The following MNAT1 variants were observed in gnomAD, a reference collection of about 807,000 sequenced individuals.
MNAT1 encodes the protein MNAT1 component of CDK activating kinase.
In MNAT1, 43 loss-of-function variants were observed where a neutral mutation model predicts 42.0. That is an observed-to-expected ratio of 1.02 (90% CI 0.80 to 1.32). The LOEUF (loss-of-function observed/expected upper bound fraction) is 1.32, where lower values mean the gene tolerates loss of function less well. MNAT1 is among the 40% of genes most tolerant of loss of function. The pLI is 0.00. For missense variants in MNAT1, 306 were observed against 350.4 expected, an observed-to-expected ratio of 0.87 and a Z score of 1.01; for synonymous variants, 118 against 120.0, an observed-to-expected ratio of 0.98 and a Z score of 0.11.
intron 7 of MNAT1, among the ~76,000 whole-genome samples, chr14:60,936,432 G>C (rs565717260): frequency 3.8e-5 from 5 of 130,112 alleles, no homozygotes; most frequent in East Asian, 2.2e-4. Context: ...TCCTGTGTCC[G>C]TGTGTTCTCA....
intron 7 of MNAT1, among the ~76,000 whole-genome samples, chr14:60,904,036 T>C (rs1434819719): frequency 2.6e-5 from 4 of 152,178 alleles, no homozygotes; most frequent in Non-Finnish European, 5.9e-5. Flanking sequence ...CACATCTGAC[T>C]GATTTTTGTA....
chr14:60,780,025 T>C (rs2031399199), intron 1 of MNAT1: 6 of 1,555,170 alleles, frequency 3.9e-6, no homozygotes, highest in Non-Finnish European at 4.4e-6. Context: ...TGCGTGGGAG[T>C]GCCGAAATCG....
intron 1 of MNAT1, among the ~76,000 whole-genome samples, chr14:60,784,858 T>C (rs2031593827): frequency 6.9e-6 from 1 of 145,614 alleles, no homozygotes; most frequent in African/African-American, 2.5e-5. Flanking sequence ...TAGCTAACAC[T>C]TTTTTTTTTT....
At chr14:60,927,851 T>C (rs1316768833) in intron 7 of MNAT1, among the ~76,000 whole-genome samples, 1 of 152,088 alleles carries the variant, frequency 6.6e-6, no homozygotes, top group East Asian at 1.9e-4. Context: ...GATACAGCAT[T>C]AAATAGCAAA....
In MNAT1 at chr14:60,740,871, G is replaced by C. The variant is rs1896441214; in HGVS notation, c.89+5920G>C. On this transcript the variant is annotated intron_variant, in intron 1 of 7. Transcript: ENST00000261245. This position sits in a 1 kb window ranked among gnomAD's most constrained non-coding sequence, Gnocchi z 4.1. ...GTAGTGTAGTATAAGTTATAAACGT[G>C]GTACATATTACCATACCCATCTTGG... 6.6e-6 allele frequency among the ~76,000 whole-genome samples: 1 copy of C among 151,904 alleles called. No individual in the cohort carries two copies. Among genetic ancestry groups the C allele is most frequent in the African/African-American group, 2.4e-5 (1 of 41,348 alleles).
intron 7 of MNAT1, among the ~76,000 whole-genome samples, chr14:60,916,959 A>T (rs1316443243): frequency 6.6e-6 from 1 of 152,276 alleles, no homozygotes; most frequent in South Asian, 2.1e-4. Flanking sequence ...TCTCCAAAAA[A>T]TTTAAAAAAA....
intron 7 of MNAT1, among the ~76,000 whole-genome samples, chr14:60,921,516 C>T (rs1424524736): frequency 6.6e-6 from 1 of 151,990 alleles, no homozygotes; most frequent in Non-Finnish European, 1.5e-5. Flanking sequence ...TTTCTTGGCA[C>T]TTTATTAAAT....
intron 7 of MNAT1, among the ~76,000 whole-genome samples, chr14:60,921,815 A>AT (rs1158348837): frequency 6.6e-6 from 1 of 152,174 alleles, no homozygotes; most frequent in African/African-American, 2.4e-5. Context: ...GGAATGGAAA[A>AT]TGGGGATGGT....
intron 7 of MNAT1, among the ~76,000 whole-genome samples, chr14:60,960,096 A>G (rs961480741): frequency 2.0e-5 from 3 of 152,156 alleles, no homozygotes; most frequent in Non-Finnish European, 4.4e-5. Context: ...TTGCTATAAG[A>G]AACACGTCTG....
At chr14:60,895,224 T>C (rs2034926801) in intron 7 of MNAT1, among the ~76,000 whole-genome samples, 1 of 152,210 alleles carries the variant, frequency 6.6e-6, no homozygotes, top group Admixed American at 6.5e-5. Flanking sequence ...CTGGAATTAT[T>C]ATCTGAAGCT....
At position 60,812,026 on chromosome 14, in the gene MNAT1, G is replaced by C. The variant is rs2032562357; in HGVS notation, c.460G>C (p.Glu154Gln). The change falls in exon 5 of 8, where the codon GAA becomes CAA. Residue 154 changes from glutamate to glutamine, a missense_variant. Coordinates refer to ENST00000261245, the MANE Select transcript of MNAT1 (RefSeq NM_002431.4). ...AGAACTGGAAGAAGCTTTAGAAGTG[G>C]AACGACAGGAAAATGAACAAAGAAG... ...QEELEEALEV[E>Q]RQENEQRRLF... 6.2e-7 allele frequency: 1 copy of C among 1,602,746 alleles called. No individual in the cohort carries two copies. The highest frequency in any genetic ancestry group is 2.2e-5 in the East Asian group (1 of 44,728).
intron 7 of MNAT1, among the ~76,000 whole-genome samples, chr14:60,946,430 G>A (rs952374132): frequency 2.0e-5 from 3 of 151,950 alleles, no homozygotes; most frequent in Non-Finnish European, 4.4e-5. Flanking sequence ...GGTAACTTGC[G>A]GTCCTTTTCT....
At chr14:60,913,113 C>A (rs188252346) in intron 7 of MNAT1, among the ~76,000 whole-genome samples, 1 of 152,170 alleles carries the variant, frequency 6.6e-6, no homozygotes, top group African/African-American at 2.4e-5. Context: ...TCCAGTTGAT[C>A]GCATCAGTTA....
At chr14:60,741,307 C>G (rs899474740) in intron 1 of MNAT1, among the ~76,000 whole-genome samples, 1 of 152,068 alleles carries the variant, frequency 6.6e-6, no homozygotes, top group African/African-American at 2.4e-5. Flanking sequence ...TCTTGAGTAG[C>G]TAGGACTACA....
chr14:60,949,070 A>G lies in MNAT1; in HGVS notation c.810-19159A>G, dbSNP rs571743407. Among the ~76,000 whole-genome samples the G allele has an allele frequency of 2.6e-5, 4 of 152,348 alleles. No individual in the cohort carries two copies. In the South Asian group the frequency reaches 8.3e-4, roughly 32 times the overall value. On this transcript the variant is annotated intron_variant, in intron 7 of 7. Transcript: ENST00000261245. ...ATCACATGTAGAATTAATTTTAAGT[A>G]TATCTTTAAAGAAGGATGGACTTTT... is the stretch of plus-strand genomic sequence containing the variant.
intron 7 of MNAT1, among the ~76,000 whole-genome samples, chr14:60,913,826 C>T (rs2035446893): frequency 6.6e-6 from 1 of 152,192 alleles, no homozygotes; most frequent in South Asian, 2.1e-4. Context: ...CAGCTGCGTG[C>T]TGGAAGAACC....
chr14:60,814,286 T>C (rs1383649234), intron 5 of MNAT1, among the ~76,000 whole-genome samples: 3 of 152,198 alleles, frequency 2.0e-5, no homozygotes, highest in African/African-American at 7.2e-5. Flanking sequence ...TCAACCTTGT[T>C]AGATAATGAC....
intron 3 of MNAT1, among the ~76,000 whole-genome samples, chr14:60,802,172 A>G (rs1173672925): frequency 1.3e-5 from 2 of 152,152 alleles, no homozygotes; most frequent in African/African-American, 4.8e-5. Flanking sequence ...TCAGGTAAAC[A>G]TTGGAGAATA....
intron 6 of MNAT1, among the ~76,000 whole-genome samples, chr14:60,833,556 G>C (rs1428966133): frequency 6.6e-6 from 1 of 152,180 alleles, no homozygotes; most frequent in African/African-American, 2.4e-5. Context: ...TAAGCTTTTG[G>C]ATGTGCTGGT....
Sources: allele counts gnomAD v4.1 joint callset (sites outside exome capture counted in the v4.1 genomes callset), GRCh38; gene constraint gnomAD v4.1.1; non-coding constraint Gnocchi (gnomAD v3.1); transcripts MANE v1.5; gene names NCBI Gene and HGNC (gene_info 2026-07-23, HGNC 2026-07-21).